The following HS3ST4 variants were observed in gnomAD, a reference collection of about 807,000 sequenced individuals.
HS3ST4 encodes the protein heparan sulfate-glucosamine 3-sulfotransferase 4.
Under a neutral mutation model 29.2 loss-of-function variants are expected in HS3ST4, and 17 were observed. The observed-to-expected ratio is 0.58, with a 90% CI of 0.40 to 0.87. HS3ST4 has a LOEUF of 0.87. Among genes scored for constraint, HS3ST4 ranks in the 40% least tolerant of loss-of-function variants. The probability of loss-of-function intolerance (pLI) is 0.00; values close to 1 mark genes in which losing one functional copy is unlikely to be tolerated. For synonymous variants in HS3ST4, 314 were observed against 285.7 expected (o/e 1.10, Z -1.00); for missense variants, 627 against 634.5 (o/e 0.99, Z 0.13).
intron 1 of HS3ST4, among the ~76,000 whole-genome samples, chr16:26,078,179 C>G (rs12443640): frequency 6.6e-6 from 1 of 151,832 alleles, no homozygotes; most frequent in East Asian, 1.9e-4. Context: ...CTCACTGTGT[C>G]CCTCAGGCTG....
intron 1 of HS3ST4, among the ~76,000 whole-genome samples, chr16:25,722,631 T>C (rs1966505555): frequency 2.6e-5 from 4 of 152,230 alleles, no homozygotes; most frequent in African/African-American, 9.6e-5. Context: ...TACAGTCTGC[T>C]GAACATTTAT....
At chr16:25,910,107 C>T (rs989305216) in intron 1 of HS3ST4, among the ~76,000 whole-genome samples, 3 of 152,132 alleles carry the variant, frequency 2.0e-5, no homozygotes, top group South Asian at 2.1e-4. Context: ...AATGTGATTC[C>T]GACACTTGAT....
chr16:25,912,379 G>A (rs1487532489), intron 1 of HS3ST4, among the ~76,000 whole-genome samples: 1 of 152,012 alleles, frequency 6.6e-6, no homozygotes, highest in East Asian at 1.9e-4. Context: ...CTCTCATCCT[G>A]GAAGACTTTT....
chr16:25,761,882 C>G (rs1271589620), intron 1 of HS3ST4, among the ~76,000 whole-genome samples: 1 of 152,184 alleles, frequency 6.6e-6, no homozygotes, highest in African/African-American at 2.4e-5. Flanking sequence ...TTACCTTTCT[C>G]GTTTTACAAC....
intron 1 of HS3ST4, among the ~76,000 whole-genome samples, chr16:25,780,162 G>A (rs1966851360): frequency 6.6e-6 from 1 of 152,202 alleles, no homozygotes; most frequent in Non-Finnish European, 1.5e-5. Flanking sequence ...CTTCTAGGAT[G>A]CACCGTGTTC....
intron 1 of HS3ST4, among the ~76,000 whole-genome samples, chr16:25,969,459 G>A (rs1176492137): frequency 6.6e-6 from 1 of 152,228 alleles, no homozygotes; most frequent in Non-Finnish European, 1.5e-5. Flanking sequence ...AGCTCGTGGG[G>A]GTGGAGGCAC....
chr16:26,005,030 C>A (rs1428414003), intron 1 of HS3ST4, among the ~76,000 whole-genome samples: 2 of 152,036 alleles, frequency 1.3e-5, no homozygotes. Context: ...AACCTTTCTT[C>A]CAAGCATAAA....
chr16:25,788,815 C>T (rs1488932141), intron 1 of HS3ST4, among the ~76,000 whole-genome samples: 1 of 152,022 alleles, frequency 6.6e-6, no homozygotes, highest in Non-Finnish European at 1.5e-5. Flanking sequence ...GTTGAGACTA[C>T]AGGTATGAGC....
intron 1 of HS3ST4, among the ~76,000 whole-genome samples, chr16:25,887,622 G>A (rs778116962): frequency 4.0e-5 from 6 of 151,570 alleles, no homozygotes; most frequent in Non-Finnish European, 7.4e-5. Flanking sequence ...AAGTCAGAAT[G>A]TTGAGCATGG....
At chr16:25,845,281 G>A (rs1365354731) in intron 1 of HS3ST4, among the ~76,000 whole-genome samples, 8 of 152,142 alleles carry the variant, frequency 5.3e-5, no homozygotes, top group Admixed American at 2.0e-4. Flanking sequence ...GGCTGAGTCT[G>A]GCAGATCGCC....
At chr16:25,871,717 T>C (rs1241047597) in intron 1 of HS3ST4, among the ~76,000 whole-genome samples, 2 of 152,156 alleles carry the variant, frequency 1.3e-5, no homozygotes. Flanking sequence ...CCAGAACCTG[T>C]CCCCTCACAC....
intron 1 of HS3ST4, among the ~76,000 whole-genome samples, chr16:26,084,134 A>G (rs202179021): frequency 2.0e-5 from 3 of 152,170 alleles, no homozygotes; most frequent in East Asian, 3.9e-4. Context: ...GTTCCTGGCC[A>G]GGTCCCCATG....
chr16:25,988,881 ACT>A (rs1344219677), intron 1 of HS3ST4, among the ~76,000 whole-genome samples: 1 of 152,068 alleles, frequency 6.6e-6, no homozygotes. Flanking sequence ...AAAAAACAAA[ACT>A]CAAAAAAAAA....
At chr16:25,791,905 C>T (rs1966870101) in intron 1 of HS3ST4, among the ~76,000 whole-genome samples, 1 of 151,756 alleles carries the variant, frequency 6.6e-6, no homozygotes, top group Non-Finnish European at 1.5e-5. Flanking sequence ...TTGTTGGATA[C>T]CAGTGAGGAG....
chr16:25,986,797 T>C (rs1256923428), intron 1 of HS3ST4, among the ~76,000 whole-genome samples: 2 of 152,260 alleles, frequency 1.3e-5, no homozygotes, highest in African/African-American at 4.8e-5. Context: ...CGCTTGACTC[T>C]GATCATTAGG....
At chr16:26,090,473 A>G (rs1264453753) in intron 1 of HS3ST4, among the ~76,000 whole-genome samples, 1 of 151,978 alleles carries the variant, frequency 6.6e-6, no homozygotes. Context: ...CATTCTTTTT[A>G]TTCCTGCAGA....
chr16:25,914,920 TA>T lies in HS3ST4; in HGVS notation c.735-220682del, dbSNP rs531186493. Among the ~76,000 whole-genome samples the T allele has an allele frequency of 2.4e-3, 360 of 148,322 alleles. 3 individuals carry two copies. Among genetic ancestry groups the T allele is most frequent in the African/African-American group, 8.5e-3 (342 of 40,450 alleles). On this transcript the variant is annotated intron_variant, in intron 1 of 1. Coordinates refer to ENST00000331351, the MANE Select transcript of HS3ST4 (RefSeq NM_006040.3). ...TAATTTGCTTTTTAAAAGATACAAT[TA>T]AAAAAAAAAGACACTCTCTCTAAAA...
At position 25,962,179 on chromosome 16, in the gene HS3ST4, G is replaced by A. The variant is rs9921253; in HGVS notation, c.735-173433G>A. 3.6e-3 allele frequency among the ~76,000 whole-genome samples: 548 copies of A among 152,224 alleles called. 4 individuals are homozygous for A. The highest frequency in any genetic ancestry group is 0.013 in the African/African-American group (521 of 41,534). On this transcript the variant is annotated intron_variant, in intron 1 of 1. Transcript: ENST00000331351. ...TACACCCAGGGAGAAAACAAGGTAC[G>A]AAGTCATGGATCTCATTCCCAAATA...
At chr16:26,010,368 G>A (rs1349695347) in intron 1 of HS3ST4, among the ~76,000 whole-genome samples, 2 of 151,926 alleles carry the variant, frequency 1.3e-5, no homozygotes, top group Non-Finnish European at 2.9e-5. Flanking sequence ...GTAGGAGAAT[G>A]GCTTGAACCC....
Sources: allele counts gnomAD v4.1 joint callset (sites outside exome capture counted in the v4.1 genomes callset), GRCh38; gene constraint gnomAD v4.1.1; transcripts MANE v1.5; gene names NCBI Gene and HGNC (gene_info 2026-07-23, HGNC 2026-07-21).